The following RAPGEF4 variants were observed in gnomAD, a reference collection of about 807,000 sequenced individuals.
RAPGEF4 encodes Rap guanine nucleotide exchange factor 4.
In RAPGEF4, 66 loss-of-function variants were observed where a neutral mutation model predicts 147.9. The observed-to-expected ratio is 0.45, with a 90% CI of 0.37 to 0.55. The LOEUF is 0.55. Among genes scored for constraint, RAPGEF4 ranks in the 20% least tolerant of loss-of-function variants. RAPGEF4 has a pLI of 0.00. For missense variants in RAPGEF4, 1,071 were observed against 1,257.3 expected, an observed-to-expected ratio of 0.85 and a Z score of 2.24; for synonymous variants, 419 against 442.7, an observed-to-expected ratio of 0.95 and a Z score of 0.67.
intron 22 of RAPGEF4, 118 bp downstream of exon 22, chr2:173,018,920 A>G: frequency 8.8e-7 from 1 of 1,132,672 alleles, no homozygotes; most frequent in Admixed American, 2.3e-5. Context: ...ACTGGTGCTT[A>G]TGTATGCTTC....
intron 29 of RAPGEF4, among the ~76,000 whole-genome samples, chr2:173,039,795 G>A (rs933448469): frequency 6.6e-6 from 1 of 152,164 alleles, no homozygotes; most frequent in Middle Eastern, 3.2e-3. Flanking sequence ...AAAGAGAAGG[G>A]AAGAAAGGAT....
chr2:172,960,630 A>G (rs1231401630), intron 6 of RAPGEF4, 130 bp from the exon 7 acceptor site: 1 of 654,124 alleles, frequency 1.5e-6, no homozygotes, highest in South Asian at 2.8e-5. Context: ...GGCAGAATTT[A>G]TCTCTTATTT....
intron 10 of RAPGEF4, among the ~76,000 whole-genome samples, chr2:172,974,307 G>A (rs190646784): frequency 1.5e-3 from 221 of 152,250 alleles, no homozygotes; most frequent in African/African-American, 4.6e-3. Context: ...ACCTGCCATC[G>A]TCCAAAGGGG....
intron 6 of RAPGEF4, among the ~76,000 whole-genome samples, chr2:172,953,316 CTA>C (rs1036086546): frequency 2.7e-5 from 4 of 146,730 alleles, no homozygotes; most frequent in Admixed American, 6.8e-5. Context: ...TAATAGTTCT[CTA>C]TATATATCTC....
chr2:172,821,923 C>T (rs779780313), intron 4 of RAPGEF4: 3 of 1,613,148 alleles, frequency 1.9e-6, no homozygotes, highest in Non-Finnish European at 2.5e-6. Context: ...TAGATGCTCA[C>T]TGGATGTCTG....
chr2:172,935,129 A>G lies in RAPGEF4; in HGVS notation c.537+12829A>G, dbSNP rs1686418663. Among the ~76,000 whole-genome samples, 3 of 152,180 alleles carry G rather than the reference A, an allele frequency of 2.0e-5. 1 individual carries two copies. The South Asian group carries it at 6.2e-4, about 31-fold the overall frequency. ...AGGGCAGAGGCTGCAGTGAGCCAAG[A>G]TGGTACCATAACACTCCAGCCTGGG... On this transcript the variant is annotated intron_variant, in intron 6 of 30. Coordinates refer to ENST00000397081, the MANE Select transcript of RAPGEF4 (RefSeq NM_007023.4).
At chr2:172,980,027 A>G (rs1369516921) in intron 10 of RAPGEF4, among the ~76,000 whole-genome samples, 1 of 152,196 alleles carries the variant, frequency 6.6e-6, no homozygotes, top group Non-Finnish European at 1.5e-5. Flanking sequence ...TTCACTTAGG[A>G]AAGATGACAT....
intron 6 of RAPGEF4, among the ~76,000 whole-genome samples, chr2:172,938,164 A>G (rs1374283212): frequency 1.3e-5 from 2 of 152,022 alleles, no homozygotes; most frequent in East Asian, 3.9e-4. Flanking sequence ...TGAGATAGCA[A>G]GGAAATACAT....
intron 12 of RAPGEF4, among the ~76,000 whole-genome samples, chr2:172,986,872 T>C (rs1406583327): frequency 1.3e-5 from 2 of 152,076 alleles, no homozygotes. Context: ...TTTTTTTTTG[T>C]ATTTTTAGTA....
intron 3 of RAPGEF4, among the ~76,000 whole-genome samples, 195 bp downstream of exon 3, chr2:172,797,808 T>C (rs1414778433): frequency 6.6e-6 from 1 of 152,164 alleles, no homozygotes; most frequent in Non-Finnish European, 1.5e-5. Context: ...CTGATTTGAG[T>C]ATGGTGCCAG....
At chr2:172,921,731 G>C (rs1684783395) in intron 5 of RAPGEF4, among the ~76,000 whole-genome samples, 1 of 152,202 alleles carries the variant, frequency 6.6e-6, no homozygotes, top group African/African-American at 2.4e-5. Context: ...TTCTAGCTCG[G>C]AACACTGAGA....
chr2:172,917,008 C>G (rs368141563), intron 4 of RAPGEF4, among the ~76,000 whole-genome samples: 1 of 152,110 alleles, frequency 6.6e-6, no homozygotes, highest in Non-Finnish European at 1.5e-5. Flanking sequence ...GTATTTATGA[C>G]CTGAGAAGAG....
intron 4 of RAPGEF4, among the ~76,000 whole-genome samples, chr2:172,904,643 A>ATAT (rs1699431197): frequency 6.6e-6 from 1 of 152,152 alleles, no homozygotes; most frequent in Non-Finnish European, 1.5e-5. Context: ...AGGGGCTTTA[A>ATAT]TATTATTAGC....
intron 3 of RAPGEF4, among the ~76,000 whole-genome samples, chr2:172,803,865 G>C (rs1343976668): frequency 6.6e-6 from 1 of 152,064 alleles, no homozygotes; most frequent in South Asian, 2.1e-4. Context: ...AAATCTCTAG[G>C]GTAGGGATAA....
chr2:173,011,170 G>GCGCGCGCACACACACACACA (rs564434178), intron 17 of RAPGEF4, among the ~76,000 whole-genome samples: 2 of 133,500 alleles, frequency 1.5e-5, no homozygotes, highest in African/African-American at 5.8e-5. Flanking sequence ...GCGCGCGCGC[G>GCGCGCGCACACACACACACA]CACACACACA....
chr2:172,893,107 A>G (rs1484637616), intron 4 of RAPGEF4, among the ~76,000 whole-genome samples: 1 of 152,220 alleles, frequency 6.6e-6, no homozygotes, highest in Non-Finnish European at 1.5e-5. Flanking sequence ...GAATGAAAGC[A>G]TTTAGTCTGT....
At chr2:172,870,492 G>A (rs1488485577) in intron 4 of RAPGEF4, among the ~76,000 whole-genome samples, 1 of 152,090 alleles carries the variant, frequency 6.6e-6, no homozygotes, top group African/African-American at 2.4e-5. Flanking sequence ...AGTAGCTGTG[G>A]CCTGTGTCAG....
intron 4 of RAPGEF4, among the ~76,000 whole-genome samples, chr2:172,833,621 G>T (rs1188587032): frequency 1.3e-5 from 2 of 152,060 alleles, no homozygotes; most frequent in African/African-American, 4.8e-5. Context: ...GTACTCTATT[G>T]GGTTGTATCT....
At chr2:172,833,652 A>G (rs1374641782) in intron 4 of RAPGEF4, among the ~76,000 whole-genome samples, 1 of 152,218 alleles carries the variant, frequency 6.6e-6, no homozygotes, top group Admixed American at 6.5e-5. Context: ...AGATTATAAG[A>G]ACACTTTGTA....
Sources: gnomAD v4.1 joint callset for allele counts (sites outside exome capture counted in the v4.1 genomes callset) on GRCh38, gnomAD v4.1.1 for gene constraint, MANE v1.5 for transcripts, NCBI Gene and HGNC (gene_info 2026-07-23, HGNC 2026-07-21) for gene names.